PWP1: variants seen among roughly 807,000 people sequenced by gnomAD.
The protein encoded by PWP1 is periodic tryptophan protein 1 homolog.
A neutral mutation model predicts 69.9 loss-of-function variants in PWP1; 47 were observed. The observed-to-expected ratio is 0.67, with a 90% CI of 0.53 to 0.86. The LOEUF (loss-of-function observed/expected upper bound fraction) is 0.86. PWP1 is among the 40% of genes least tolerant of loss of function. The probability of loss-of-function intolerance (pLI) is 0.00; values close to 1 mark genes in which losing one functional copy is unlikely to be tolerated. For synonymous variants in PWP1, 222 were observed against 208.2 expected, an observed-to-expected ratio of 1.07 and a Z score of -0.57; for missense variants, 551 against 608.8, an observed-to-expected ratio of 0.91 and a Z score of 1.00.
At chr12:107,703,806 A>AAAT in intron 10 of PWP1, 60 bp downstream of exon 10, 1 of 1,482,348 alleles carries the variant, frequency 6.7e-7, no homozygotes, top group Non-Finnish European at 9.4e-7. Context: ...AGTCATTTTA[A>AAAT]GAGTATCACT....
chr12:107,688,628 G>A lies in PWP1; in HGVS notation c.145G>A (p.Gly49Ser). 1 of 1,614,018 alleles carries A rather than the reference G, an allele frequency of 6.2e-7. No individual in the cohort carries two copies. The highest frequency in any genetic ancestry group is 8.5e-7 in the Non-Finnish European group (1 of 1,179,860). Reference sequence around the variant, plus strand: ...CTGTGCTCATAGAGAAGAAGGTGGTGGCAGTGATGAAGAGGAGACAGGCAG... The same window carrying A: ...CTGTGCTCATAGAGAAGAAGGTGGTAGCAGTGATGAAGAGGAGACAGGCAG... ...AKEKLQEEGG[G>S]SDEEETGSPS... The change falls in exon 3 of 15, where the codon GGC becomes AGC. Residue 49 changes from glycine to serine, a missense_variant. Physicochemically the swap from Gly to Ser is moderately conservative, Grantham distance 56. Transcript: ENST00000412830.
intron 10 of PWP1, among the ~76,000 whole-genome samples, chr12:107,704,334 G>A (rs1889770624): frequency 6.6e-6 from 1 of 152,154 alleles, no homozygotes; most frequent in African/African-American, 2.4e-5. Context: ...CCAGAGAAGG[G>A]GAAATTAGAA....
chr12:107,696,092 G>T (rs972048111), intron 5 of PWP1, among the ~76,000 whole-genome samples: 2 of 143,352 alleles, frequency 1.4e-5, no homozygotes, highest in Admixed American at 1.5e-4. Context: ...GAGTGCAGTG[G>T]TGCGATCTCA....
intron 10 of PWP1, 77 bp downstream of exon 10, chr12:107,703,823 C>A: frequency 7.2e-7 from 1 of 1,393,282 alleles, no homozygotes; most frequent in Non-Finnish European, 1.0e-6. Context: ...CACTTGGTAC[C>A]CAGGCAGAAT....
rs1220668741 is a variant in PWP1, at chr12:107,697,385, TA to T, written c.614-80del. ...GCACTGCTCTAAAGCATTTTTCAGT[TA>T]ATCTACAGTATAATGTATTTGATTA... On this transcript the variant is annotated intron_variant, in intron 6 of 14. Transcript: ENST00000412830. 5.1e-6 allele frequency: 7 copies of T among 1,365,734 alleles called. No homozygotes were observed. In the African/African-American group the frequency reaches 5.9e-5, roughly 12 times the overall value. The allele number at this position is 1,365,734 out of a possible 1,614,324, so 84.6% of individuals were successfully genotyped here. A position where few individuals can be genotyped will look rare whatever the true frequency, so the allele number is the denominator to read the frequency against.
chr12:107,710,545 G>T, intron 14 of PWP1, 35 bp downstream of exon 14: 1 of 1,253,996 alleles, frequency 8.0e-7, no homozygotes, highest in Admixed American at 2.8e-5. Context: ...ACCTCCCCCT[G>T]CCCCTGTAAA....
intron 5 of PWP1, among the ~76,000 whole-genome samples, chr12:107,693,339 G>GT (rs566218039): frequency 1.6e-4 from 24 of 150,652 alleles, no homozygotes; most frequent in South Asian, 8.4e-4. Flanking sequence ...TCATAGGGGT[G>GT]TTTTTTTTTG....
intron 1 of PWP1, among the ~76,000 whole-genome samples, chr12:107,687,423 CTGA>C (rs1242913310): frequency 2.6e-5 from 4 of 152,162 alleles, no homozygotes; most frequent in African/African-American, 7.2e-5. Context: ...TCAAAAAATA[CTGA>C]TGTTTATGTC....
At chr12:107,698,207 C>CA (rs1407132850) in intron 7 of PWP1, among the ~76,000 whole-genome samples, 4 of 152,100 alleles carry the variant, frequency 2.6e-5, no homozygotes, top group Non-Finnish European at 5.9e-5. Flanking sequence ...ACTAAATATA[C>CA]AAAAATTAGC....
Position 107,693,021 on chromosome 12 carries a change from T to A in PWP1, c.427T>A (p.Phe143Ile). 1 of 1,614,172 alleles carries A rather than the reference T, an allele frequency of 6.2e-7. No homozygotes were observed. Among genetic ancestry groups the A allele is most frequent in the Non-Finnish European group, 8.5e-7 (1 of 1,180,014 alleles). ...KDTEQYERED[F>I]LIKPSDNLIV... ...TTAGGAACAATATGAACGTGAAGAT[T>A]TCTTGATTAAGCCCAGTGATAATCT... Residue 143 changes from phenylalanine (F) to isoleucine (I), a missense_variant, in exon 5 of 15, where the codon TTC becomes ATC. Transcript: ENST00000412830.
intron 3 of PWP1, among the ~76,000 whole-genome samples, chr12:107,690,207 G>C (rs899497322): frequency 6.6e-6 from 1 of 152,028 alleles, no homozygotes; most frequent in South Asian, 2.1e-4. Context: ...TTAAATTGAT[G>C]GTTAAAATAT....
In PWP1 at chr12:107,692,875, T is replaced by A; in HGVS notation, c.381T>A (p.Asp127Glu). 6.2e-7 allele frequency: 1 copy of A among 1,614,128 alleles called. No homozygotes were observed. Among genetic ancestry groups the A allele is most frequent in the Non-Finnish European group, 8.5e-7 (1 of 1,179,978 alleles). Reference protein sequence around the residue: ...GLTVYGSNDQDPYVTLKDTEQ... With the variant: ...GLTVYGSNDQEPYVTLKDTEQ... ...CGGTCTACGGGAGTAATGATCAAGA[T>A]CCTTACGTTACTCTGAAAGATACAG... Residue 127 changes from aspartate (D) to glutamate (E), a missense_variant, in exon 4 of 15, where the codon GAT becomes GAA. Asp to Glu is a conservative substitution (Grantham distance 45, BLOSUM62 2). Coordinates refer to ENST00000412830, the MANE Select transcript of PWP1 (RefSeq NM_007062.3).
chr12:107,710,348 T>C (rs1474555595), intron 13 of PWP1, 57 bp from the exon 14 acceptor site: 7 of 1,595,934 alleles, frequency 4.4e-6, no homozygotes, highest in Non-Finnish European at 6.0e-6. Context: ...AGTGAGGATC[T>C]AGATATTAGC....
At chr12:107,710,122 C>T (rs189953550) in intron 13 of PWP1, among the ~76,000 whole-genome samples, 2 of 152,238 alleles carry the variant, frequency 1.3e-5, no homozygotes, top group Admixed American at 6.5e-5. Context: ...GTTAGGAAAT[C>T]CCTAAGAGAC....
At chr12:107,710,208 C>T (rs921270816) in intron 13 of PWP1, among the ~76,000 whole-genome samples, 197 bp from the exon 14 acceptor site, 1 of 152,206 alleles carries the variant, frequency 6.6e-6, no homozygotes, top group African/African-American at 2.4e-5. Context: ...GCATGCTGCG[C>T]TTGTCTGGCT....
At chr12:107,693,919 T>C (rs1393128647) in intron 5 of PWP1, among the ~76,000 whole-genome samples, 1 of 152,242 alleles carries the variant, frequency 6.6e-6, no homozygotes, top group African/African-American at 2.4e-5. Flanking sequence ...TTTATTTTCT[T>C]CCTAATAATT....
chr12:107,685,861 G>T lies in PWP1; in HGVS notation c.-39G>T, dbSNP rs1256151368. The T allele has an allele frequency of 6.2e-7, 1 of 1,611,610 alleles. No homozygotes were observed. ...TGCGGTCGTGGTCCCTCCCTATGCA[G>T]CCTGGTTTCTAGCGTGACACGCCCT... On this transcript the variant is annotated 5_prime_UTR_variant, in exon 1 of 15. Transcript: ENST00000412830.
rs553792295 is a variant in PWP1, at chr12:107,704,112, T to C, written c.965+366T>C. ...CATATCAGTGCTCCTTTTTACAGAT[T>C]GGGTCTACAGGTAGGAGAAACAGAT... On this transcript the variant is annotated intron_variant, in intron 10 of 14. Transcript: ENST00000412830. Among the ~76,000 whole-genome samples the C allele has an allele frequency of 3.3e-5, 5 of 152,326 alleles. No individual in the cohort carries two copies. In the East Asian group the frequency reaches 7.7e-4, roughly 24 times the overall value.
Position 107,712,398 on chromosome 12 carries a change from A to C in PWP1, c.*178A>C, listed in dbSNP as rs1250585847. ...TATCCGGTCTTTGTGCTTGCTCTTC[A>C]GATGGATGGTTTGTAAGGCTCTTGT... On this transcript the variant is annotated 3_prime_UTR_variant, in exon 15 of 15. Coordinates refer to ENST00000412830, the MANE Select transcript of PWP1 (RefSeq NM_007062.3). 7.7e-6 allele frequency: 4 copies of C among 521,322 alleles called. No individual in the cohort carries two copies. Among genetic ancestry groups the C allele is most frequent in the African/African-American group, 1.9e-5 (1 of 52,442 alleles). 32.3% of individuals were successfully genotyped at this position (521,322 alleles called of 1,614,324 possible). A position where few individuals can be genotyped will look rare whatever the true frequency, so the allele number is the denominator to read the frequency against.
Sources: allele counts gnomAD v4.1 joint callset (sites outside exome capture counted in the v4.1 genomes callset), GRCh38; gene constraint gnomAD v4.1.1; transcripts MANE v1.5; gene names NCBI Gene and HGNC (gene_info 2026-07-23, HGNC 2026-07-21).